Variants in ADAMTS6 observed in about 807,000 individuals in gnomAD.
ADAMTS6 encodes A disintegrin and metalloproteinase with thrombospondin motifs 6.
Under a neutral mutation model 144.3 loss-of-function variants are expected in ADAMTS6, and 23 were observed. The observed-to-expected ratio is 0.16, with a 90% confidence interval of 0.11 to 0.23. The LOEUF is 0.23. Among genes scored for constraint, ADAMTS6 ranks in the 10% least tolerant of loss-of-function variants. The pLI is 1.00. For synonymous variants in ADAMTS6, 444 were observed against 457.5 expected, an observed-to-expected ratio of 0.97 and a Z score of 0.38; for missense variants, 999 against 1,379.6, an observed-to-expected ratio of 0.72 and a Z score of 4.37.
At position 65,197,156 on chromosome 5, in the gene ADAMTS6, A is replaced by G; in HGVS notation, c.2576-5T>C. The G allele has an allele frequency of 6.2e-7, 1 of 1,612,990 alleles. No individual in the cohort carries two copies. The highest frequency in any genetic ancestry group is 8.5e-7 in the Non-Finnish European group (1 of 1,179,532). On this transcript the variant is annotated splice_polypyrimidine_tract_variant and splice_region_variant and intron_variant, in intron 20 of 24. Transcript: ENST00000381055. ...CCACCTCCTGTCTTTGGACACCTTGAGAAAAGGAGGACATCATTAATTGAA... is the reference window on the plus strand; with the variant it reads ...CCACCTCCTGTCTTTGGACACCTTGGGAAAAGGAGGACATCATTAATTGAA...
intron 14 of ADAMTS6, among the ~76,000 whole-genome samples, chr5:65,242,721 A>G (rs1759300657): frequency 6.6e-6 from 1 of 152,158 alleles, no homozygotes; most frequent in Non-Finnish European, 1.5e-5. Context: ...AATGAGGAAT[A>G]AAGTAGGCAA....
At position 65,197,658 on chromosome 5, in the gene ADAMTS6, G is replaced by A. The variant is rs569852781; in HGVS notation, c.2576-507C>T. Among the ~76,000 whole-genome samples, 14 of 151,972 alleles carry A rather than the reference G, an allele frequency of 9.2e-5. No homozygotes were observed. In the East Asian group the frequency reaches 2.1e-3, roughly 23 times the overall value. On this transcript the variant is annotated intron_variant, in intron 20 of 24. Coordinates refer to ENST00000381055, the MANE Select transcript of ADAMTS6 (RefSeq NM_197941.4). ...ATCCACACATTTCATTTTTTCTTCCGTTTATATATTTATCTCTCTAAAAGC... is the reference window on the plus strand; with the variant it reads ...ATCCACACATTTCATTTTTTCTTCCATTTATATATTTATCTCTCTAAAAGC...
chr5:65,309,215 A>G (rs1305315114), intron 9 of ADAMTS6, among the ~76,000 whole-genome samples: 1 of 151,978 alleles, frequency 6.6e-6, no homozygotes, highest in East Asian at 1.9e-4. Flanking sequence ...TAATGAATTA[A>G]TTATACAACT....
chr5:65,433,019 C>T (rs780017970), intron 7 of ADAMTS6, among the ~76,000 whole-genome samples: 3 of 152,092 alleles, frequency 2.0e-5, no homozygotes, highest in Non-Finnish European at 4.4e-5. Flanking sequence ...CCATTTAGTT[C>T]CCCAAATGAG....
intron 8 of ADAMTS6, among the ~76,000 whole-genome samples, chr5:65,331,998 A>G (rs1327956269): frequency 1.3e-5 from 2 of 151,872 alleles, no homozygotes; most frequent in Non-Finnish European, 2.9e-5. Context: ...TTAATAAACT[A>G]TCAAAGTTAG....
At chr5:65,381,819 T>G (rs890283135) in intron 7 of ADAMTS6, among the ~76,000 whole-genome samples, 1 of 152,142 alleles carries the variant, frequency 6.6e-6, no homozygotes. Flanking sequence ...AAACTTAATT[T>G]GGGTAACACA....
At chr5:65,460,058 T>C in intron 4 of ADAMTS6, 112 bp downstream of exon 4, 1 of 1,190,124 alleles carries the variant, frequency 8.4e-7, no homozygotes, top group East Asian at 2.6e-5. Flanking sequence ...GACATTATAA[T>C]TGTAGTCAAA....
chr5:65,318,039 C>A (rs2112868759), intron 9 of ADAMTS6, among the ~76,000 whole-genome samples: 1 of 77,332 alleles, frequency 1.3e-5, no homozygotes, highest in African/African-American at 3.4e-5. Context: ...GGTGGCACTG[C>A]ACTCCAGCTT....
intron 9 of ADAMTS6, among the ~76,000 whole-genome samples, chr5:65,317,376 T>C (rs1381268683): frequency 6.6e-6 from 1 of 152,228 alleles, no homozygotes; most frequent in African/African-American, 2.4e-5. Flanking sequence ...AGATACACCC[T>C]ATCTCTCACC....
rs141929691 is a variant in ADAMTS6 at position 65,257,264 on chromosome 5, T to G, written c.1830+3336A>C. Among the ~76,000 whole-genome samples the G allele has an allele frequency of 5.5e-3, 840 of 152,162 alleles. 6 individuals are homozygous for G. The highest frequency in any genetic ancestry group is 0.02 in the African/African-American group (816 of 41,530). On this transcript the variant is annotated intron_variant, in intron 14 of 24. Transcript: ENST00000381055. ...CAAGACTTAAGTTCTTTGAACTCCT[T>G]TACCTCCAGTCAAGTTAGGCACACA...
At chr5:65,372,202 C>A (rs375612925) in intron 7 of ADAMTS6, among the ~76,000 whole-genome samples, 1 of 135,432 alleles carries the variant, frequency 7.4e-6, no homozygotes, top group Non-Finnish European at 1.5e-5. Flanking sequence ...CATCAACTAC[C>A]GAGCAAAATA....
At chr5:65,207,268 G>T (rs965665359) in intron 20 of ADAMTS6, among the ~76,000 whole-genome samples, 2 of 151,998 alleles carry the variant, frequency 1.3e-5, no homozygotes, top group Non-Finnish European at 2.9e-5. Context: ...GAAGAAGAAA[G>T]AAAAATCTAG....
intron 22 of ADAMTS6, among the ~76,000 whole-genome samples, chr5:65,183,621 G>GT (rs1335024960): frequency 4.6e-5 from 7 of 151,478 alleles, no homozygotes; most frequent in African/African-American, 1.5e-4. Flanking sequence ...GAAGTCCTCT[G>GT]TTTTACTTAG....
intron 14 of ADAMTS6, among the ~76,000 whole-genome samples, chr5:65,255,859 T>A (rs1343645595): frequency 1.3e-5 from 2 of 152,220 alleles, no homozygotes; most frequent in Non-Finnish European, 2.9e-5. Flanking sequence ...ATTCATTTTT[T>A]AATTTAATTT....
chr5:65,210,424 C>T, intron 20 of ADAMTS6: 1 of 180,846 alleles, frequency 5.5e-6, no homozygotes, highest in Non-Finnish European at 1.1e-5. Context: ...GCACTCCAGC[C>T]TGGGCGACAG....
intron 7 of ADAMTS6, among the ~76,000 whole-genome samples, chr5:65,347,099 T>C (rs1329050495): frequency 2.0e-5 from 3 of 151,846 alleles, no homozygotes; most frequent in Non-Finnish European, 4.4e-5. Flanking sequence ...AAATCAATAT[T>C]GGCAGAGAGT....
chr5:65,456,934 C>G (rs1269783056), intron 4 of ADAMTS6, among the ~76,000 whole-genome samples: 1 of 152,084 alleles, frequency 6.6e-6, no homozygotes. Context: ...TGTCCTGTGT[C>G]AAGGGGGTTT....
chr5:65,396,431 CAG>C (rs1753345340), intron 7 of ADAMTS6, among the ~76,000 whole-genome samples: 2 of 152,190 alleles, frequency 1.3e-5, no homozygotes, highest in Admixed American at 1.3e-4. Flanking sequence ...CTGATTGAAA[CAG>C]ACAGATATTT....
chr5:65,457,873 C>T (rs1485353310), intron 4 of ADAMTS6, among the ~76,000 whole-genome samples: 1 of 150,162 alleles, frequency 6.7e-6, no homozygotes. Flanking sequence ...ACTACAGGCG[C>T]GTGCCACGAC....
Sources: gnomAD v4.1 joint callset for allele counts (sites outside exome capture counted in the v4.1 genomes callset) on GRCh38, gnomAD v4.1.1 for gene constraint, MANE v1.5 for transcripts, NCBI Gene and HGNC (gene_info 2026-07-23, HGNC 2026-07-21) for gene names.